The following TUSC3 variants were observed in gnomAD, a reference collection of about 807,000 sequenced individuals.
TUSC3 encodes tumor suppressor candidate 3, also known as dolichyl-diphosphooligosaccharide--protein glycosyltransferase subunit TUSC3.
A neutral mutation model predicts 44.8 loss-of-function variants in TUSC3; 45 were observed. The ratio of observed to expected loss-of-function variants is 1.00; its 90% confidence interval spans 0.79 to 1.29. The LOEUF is 1.29. Ranked by LOEUF, TUSC3 falls within the 50% of genes most tolerant of loss-of-function variation. The probability of loss-of-function intolerance (pLI) is 0.00; values close to 1 mark genes in which losing one functional copy is unlikely to be tolerated. For missense variants in TUSC3, 519 were observed against 437.9 expected (o/e 1.19, Z -1.65); for synonymous variants, 212 against 152.9 (o/e 1.39, Z -2.85).
intron 6 of TUSC3, among the ~76,000 whole-genome samples, chr8:15,683,874 G>A (rs754013929): frequency 5.9e-5 from 9 of 152,012 alleles, no homozygotes; most frequent in African/African-American, 2.2e-4. Flanking sequence ...AGCTGGCTTC[G>A]TTTCTGAGTA....
the TUSC3 span, among the ~76,000 whole-genome samples, chr8:15,839,369 GC>G: frequency 1.7e-4 from 26 of 151,932 alleles, no homozygotes; most frequent in African/African-American, 6.3e-4. Flanking sequence ...CTGCCTGATT[GC>G]CCTGGCCAGA....
the TUSC3 span, among the ~76,000 whole-genome samples, chr8:15,844,617 T>C: frequency 2.6e-5 from 4 of 152,280 alleles, no homozygotes; most frequent in African/African-American, 9.6e-5. Flanking sequence ...GGCTGTATAT[T>C]AGTATATTAA....
At chr8:15,548,330 C>T (rs1035046341) in intron 1 of TUSC3, among the ~76,000 whole-genome samples, 2 of 151,810 alleles carry the variant, frequency 1.3e-5, no homozygotes, top group Non-Finnish European at 2.9e-5. Context: ...TAATTTCTAT[C>T]AGTTAAAGAT....
intron 6 of TUSC3, among the ~76,000 whole-genome samples, chr8:15,724,729 A>T (rs1420280468): frequency 1.3e-5 from 2 of 152,174 alleles, no homozygotes; most frequent in East Asian, 3.8e-4. Flanking sequence ...AACAGGCTGA[A>T]AGGATTTACA....
chr8:15,597,103 C>T (rs913026687), intron 1 of TUSC3, among the ~76,000 whole-genome samples: 1 of 152,014 alleles, frequency 6.6e-6, no homozygotes, highest in Non-Finnish European at 1.5e-5. Flanking sequence ...GTCAGAGATA[C>T]AGTGATAAAT....
At chr8:15,736,561 T>G (rs1454559636) in intron 7 of TUSC3, among the ~76,000 whole-genome samples, 1 of 152,174 alleles carries the variant, frequency 6.6e-6, no homozygotes, top group Non-Finnish European at 1.5e-5. Flanking sequence ...TGAGATAATC[T>G]TAAATCTGCT....
the TUSC3 span, among the ~76,000 whole-genome samples, chr8:15,808,129 T>C: frequency 6.6e-6 from 1 of 152,176 alleles, no homozygotes; most frequent in African/African-American, 2.4e-5. Context: ...ATTGTAGAGA[T>C]TAGGGAAGCT....
intron 1 of TUSC3, among the ~76,000 whole-genome samples, chr8:15,475,450 C>T (rs1800562008): frequency 6.6e-6 from 1 of 152,124 alleles, no homozygotes; most frequent in African/African-American, 2.4e-5. Context: ...TATTATTCTT[C>T]CCATCTTTCA....
intron 2 of TUSC3, among the ~76,000 whole-genome samples, chr8:15,505,053 C>T (rs1158613877): frequency 6.6e-6 from 1 of 151,996 alleles, no homozygotes; most frequent in Non-Finnish European, 1.5e-5. Context: ...ATATTGCTGC[C>T]AAATGGCAGG....
chr8:15,540,439 C>T lies in TUSC3; in HGVS notation c.9C>T (p.Ala3=), dbSNP rs761969185. MG[A]RGAPSRRRQA... is the part of the protein sequence containing the mutation. ...GACACTGCCCTGCCGCGATGGGGGC[C>T]CGGGGCGCTCCTTCACGCCGTAGGC... is the stretch of plus-strand genomic sequence containing the variant. Residue 3 remains alanine, a synonymous_variant, in exon 1 of 11, where the codon GCC becomes GCT. Coordinates refer to ENST00000503731, the MANE Select transcript of TUSC3 (RefSeq NM_006765.4). 3.8e-6 allele frequency: 6 copies of T among 1,594,818 alleles called. No individual in the cohort carries two copies. Among genetic ancestry groups the T allele is most frequent in the Non-Finnish European group, 5.1e-6 (6 of 1,171,900 alleles).
chr8:15,445,546 C>G (rs1037922081), intron 1 of TUSC3, among the ~76,000 whole-genome samples: 4 of 152,280 alleles, frequency 2.6e-5, no homozygotes, highest in Admixed American at 6.5e-5. Context: ...CTTCAAGCAT[C>G]TGTTTAACAA....
chr8:15,461,070 T>C (rs13279937), intron 1 of TUSC3, among the ~76,000 whole-genome samples: 32,625 of 152,104 alleles, frequency 0.21, 4,464 homozygotes, highest in Non-Finnish European at 0.31. Flanking sequence ...TGAAGAATGA[T>C]GGTGGTATTT....
chr8:15,427,232 T>TC (rs1170279476), intron 1 of TUSC3, among the ~76,000 whole-genome samples: 1 of 151,154 alleles, frequency 6.6e-6, no homozygotes, highest in African/African-American at 2.4e-5. Context: ...GTTTTTCCTT[T>TC]TTTTTTTTTT....
intron 6 of TUSC3, among the ~76,000 whole-genome samples, chr8:15,712,986 T>C (rs1809918445): frequency 6.6e-6 from 1 of 152,158 alleles, no homozygotes; most frequent in South Asian, 2.1e-4. Flanking sequence ...GTTAAATCAG[T>C]TGGATGTCCA....
the TUSC3 span, among the ~76,000 whole-genome samples, chr8:15,787,239 T>C: frequency 6.6e-6 from 1 of 152,110 alleles, no homozygotes; most frequent in African/African-American, 2.4e-5. Flanking sequence ...CAAAAATAAT[T>C]CCTACATGTA....
In TUSC3 at chr8:15,508,008, G is replaced by A. The variant is rs140399427; in HGVS notation, n.189+24525G>A. Among the ~76,000 whole-genome samples the A allele has an allele frequency of 8.3e-4, 126 of 152,222 alleles. 1 individual carries two copies. Among genetic ancestry groups the A allele is most frequent in the African/African-American group, 2.7e-3 (111 of 41,548 alleles). On this transcript the variant is annotated intron_variant and non_coding_transcript_variant, in intron 2 of 5. Coordinates refer to the TUSC3 transcript ENST00000503191. ...TGTAATCCCAGCACTTTGGGAGGCC[G>A]AAGTGGGTGGATCACTTGAAGCCAG... is the stretch of plus-strand genomic sequence containing the variant.
At chr8:15,743,223 GTA>G (rs1811269905) in intron 7 of TUSC3, among the ~76,000 whole-genome samples, 1 of 152,220 alleles carries the variant, frequency 6.6e-6, no homozygotes, top group South Asian at 2.1e-4. Flanking sequence ...ATATCTTTAT[GTA>G]TAATGTGAAA....
chr8:15,851,859 C>A, the TUSC3 span, among the ~76,000 whole-genome samples: 5 of 152,098 alleles, frequency 3.3e-5, no homozygotes, highest in Non-Finnish European at 7.4e-5. Context: ...AGGAGGGACC[C>A]AGTGGGAGAT....
At chr8:15,817,961 G>T in the TUSC3 span, among the ~76,000 whole-genome samples, 3 of 152,074 alleles carry the variant, frequency 2.0e-5, no homozygotes, top group African/African-American at 7.2e-5. Context: ...GACTTATACC[G>T]GTGACTCTAG....
Sources: gnomAD v4.1 joint callset for allele counts (sites outside exome capture counted in the v4.1 genomes callset) on GRCh38, gnomAD v4.1.1 for gene constraint, MANE v1.5 for transcripts, NCBI Gene and HGNC (gene_info 2026-07-23, HGNC 2026-07-21) for gene names.